LRRC7: variants seen among roughly 807,000 people sequenced by gnomAD.
The protein encoded by LRRC7 is leucine-rich repeat-containing protein 7.
A neutral mutation model predicts 175.7 loss-of-function variants in LRRC7; 23 were observed. The ratio of observed to expected loss-of-function variants is 0.13; its 90% confidence interval spans 0.09 to 0.19. The LOEUF (loss-of-function observed/expected upper bound fraction) is 0.19, where lower values mean the gene tolerates loss of function less well. Among genes scored for constraint, LRRC7 ranks in the 10% least tolerant of loss-of-function variants. The pLI, the probability that LRRC7 is intolerant of heterozygous loss-of-function variation, is 1.00. For synonymous variants in LRRC7, 685 were observed against 680.9 expected (o/e 1.01, Z -0.09); for missense variants, 1,354 against 1,904.7 (o/e 0.71, Z 5.38).
At chr1:69,991,440 C>T (rs1176947543) in intron 10 of LRRC7, among the ~76,000 whole-genome samples, 1 of 152,126 alleles carries the variant, frequency 6.6e-6, no homozygotes, top group African/African-American at 2.4e-5. Context: ...TATCTTTGGA[C>T]CTTATTGACC....
In LRRC7 at chr1:70,128,401, C is replaced by T. The variant is rs1008119950; in HGVS notation, c.*6514C>T. The T allele has an allele frequency of 1.5e-5, 1 of 66,832 alleles. No individual in the cohort carries two copies. The highest frequency in any genetic ancestry group is 3.1e-5 in the Non-Finnish European group (1 of 32,784). 4.1% of individuals were successfully genotyped at this position (66,832 alleles called of 1,614,324 possible). On this transcript the variant is annotated 3_prime_UTR_variant, in exon 27 of 27. Coordinates refer to ENST00000651989, the MANE Select transcript of LRRC7 (RefSeq NM_001370785.2). ...CTGTTGCACAAGTGTATTGTTTGTG[C>T]TTATTTTTTTTCCTTCTTTAAAATA... is the stretch of plus-strand genomic sequence containing the variant.
rs751054513 is a variant in LRRC7 at position 70,053,176 on chromosome 1, A to G, written c.4230+31A>G. ...CAATTTTTAATTAACAAGACAAACC[A>G]TGAACCTTGCACAATCTACTGCAAT... On this transcript the variant is annotated intron_variant, in intron 23 of 26. Coordinates refer to ENST00000651989, the MANE Select transcript of LRRC7 (RefSeq NM_001370785.2). 2.5e-6 allele frequency: 4 copies of G among 1,580,146 alleles called. No homozygotes were observed. The Admixed American group carries it at 5.5e-5, about 22-fold the overall frequency.
chr1:69,706,616 G>A (rs1193829160), intron 2 of LRRC7, among the ~76,000 whole-genome samples: 1 of 152,038 alleles, frequency 6.6e-6, no homozygotes, highest in Non-Finnish European at 1.5e-5. Context: ...AATCTAACTA[G>A]CCTGATTATA....
intron 17 of LRRC7, among the ~76,000 whole-genome samples, chr1:70,024,329 C>T (rs907077379): frequency 5.3e-5 from 8 of 150,884 alleles, no homozygotes; most frequent in African/African-American, 1.9e-4. Context: ...AAAAACAGTT[C>T]TGTGTGAATT....
intron 1 of LRRC7, among the ~76,000 whole-genome samples, chr1:69,663,019 G>A (rs991743571): frequency 6.6e-6 from 1 of 152,210 alleles, no homozygotes; most frequent in Non-Finnish European, 1.5e-5. Flanking sequence ...GATGGTCAGA[G>A]TGTTGCCCTG....
intron 4 of LRRC7, among the ~76,000 whole-genome samples, chr1:69,804,287 G>C (rs961929766): frequency 6.6e-6 from 1 of 151,148 alleles, no homozygotes. Flanking sequence ...TTAGGTATAG[G>C]CTAGAGATCT....
In LRRC7 at chr1:70,036,168, C is replaced by T. The variant is rs1043275346; in HGVS notation, c.2043C>T (p.His681=). 4 of 1,613,430 alleles carry T rather than the reference C, an allele frequency of 2.5e-6. No homozygotes were observed. In the African/African-American group the frequency reaches 5.3e-5, roughly 22 times the overall value. Residue 681 remains histidine (H), a synonymous_variant, in exon 19 of 27, where the codon CAC becomes CAT. Coordinates refer to ENST00000651989, the MANE Select transcript of LRRC7 (RefSeq NM_001370785.2). Reference sequence around the variant, plus strand: ...ATGAAATGAGGATTGGGGAACTTCACCCTTCATTAGCTGAGACCCCTCTGT... The same window carrying T: ...ATGAAATGAGGATTGGGGAACTTCATCCTTCATTAGCTGAGACCCCTCTGT... ...PANEMRIGEL[H]PSLAETPLYP... is the part of the protein sequence containing the mutation.
intron 1 of LRRC7, among the ~76,000 whole-genome samples, chr1:69,624,137 T>G (rs956479731): frequency 4.6e-5 from 7 of 152,096 alleles, no homozygotes. Flanking sequence ...CTGTTTACAG[T>G]CCCTCCAGAA....
At chr1:69,992,269 T>C (rs1462387962) in intron 10 of LRRC7, among the ~76,000 whole-genome samples, 3 of 152,166 alleles carry the variant, frequency 2.0e-5, no homozygotes, top group Non-Finnish European at 4.4e-5. Context: ...ATTAGCAAAT[T>C]ATATTAATGT....
chr1:70,036,535 T>C lies in LRRC7; in HGVS notation c.2199T>C (p.Ala733=). The part of the protein sequence containing the change: ...GTYSDYSPSQ[A]SSGSSNTRVK... ...ACTCAGACTACTCGCCTTCCCAGGC[T>C]TCCTCAGGATCCTCTAATACCCGGG... The change falls in exon 20 of 27, where the codon GCT becomes GCC. Residue 733 remains alanine (A), a synonymous_variant. Coordinates refer to ENST00000651989, the MANE Select transcript of LRRC7 (RefSeq NM_001370785.2). 6.2e-7 allele frequency: 1 copy of C among 1,614,104 alleles called. No individual in the cohort carries two copies. Among genetic ancestry groups the C allele is most frequent in the Non-Finnish European group, 8.5e-7 (1 of 1,179,960 alleles).
At chr1:69,722,083 C>T (rs1666421509) in intron 2 of LRRC7, among the ~76,000 whole-genome samples, 1 of 151,900 alleles carries the variant, frequency 6.6e-6, no homozygotes. Flanking sequence ...CTGGCATTAT[C>T]AGCTTCTTAT....
chr1:69,683,229 G>A (rs546868257), intron 2 of LRRC7, among the ~76,000 whole-genome samples: 14 of 152,006 alleles, frequency 9.2e-5, no homozygotes, highest in Admixed American at 5.9e-4. Context: ...TCTCTCCTAC[G>A]TTCACTCTAA....
intron 7 of LRRC7, among the ~76,000 whole-genome samples, chr1:69,894,342 C>T (rs549308594): frequency 1.4e-4 from 21 of 152,254 alleles, no homozygotes; most frequent in East Asian, 5.8e-4. Flanking sequence ...GTGTGACTCT[C>T]GCCTTGTTCT....
intron 3 of LRRC7, among the ~76,000 whole-genome samples, chr1:69,785,491 G>A (rs67155930): frequency 0.21 from 32,159 of 151,866 alleles, 3,758 homozygotes; most frequent in Middle Eastern, 0.33. Context: ...TTTTACTGAA[G>A]GCAATCATTG....
At chr1:69,875,918 A>G (rs1165562032) in intron 7 of LRRC7, among the ~76,000 whole-genome samples, 1 of 152,150 alleles carries the variant, frequency 6.6e-6, no homozygotes, top group Admixed American at 6.6e-5. Flanking sequence ...AGAAGAAGGC[A>G]GTACAGTATG....
At chr1:70,064,730 C>G (rs1661841303) in intron 23 of LRRC7, among the ~76,000 whole-genome samples, 2 of 151,716 alleles carry the variant, frequency 1.3e-5, no homozygotes, top group South Asian at 4.2e-4. Flanking sequence ...ATTTTTTAGT[C>G]CTCTTCAATT....
At chr1:69,598,885 C>G (rs1182491410) in intron 1 of LRRC7, among the ~76,000 whole-genome samples, 1 of 152,116 alleles carries the variant, frequency 6.6e-6, no homozygotes, top group Non-Finnish European at 1.5e-5. Context: ...CACTTTGTTC[C>G]CATTTGAAGC....
chr1:69,713,793 G>A (rs968093541), intron 2 of LRRC7, among the ~76,000 whole-genome samples: 7 of 151,426 alleles, frequency 4.6e-5, no homozygotes, highest in African/African-American at 1.7e-4. Context: ...GGGGAATAGA[G>A]ATAATTGTTT....
chr1:70,119,925 G>T (rs1666105351), intron 26 of LRRC7, among the ~76,000 whole-genome samples: 1 of 152,030 alleles, frequency 6.6e-6, no homozygotes, highest in Non-Finnish European at 1.5e-5. Context: ...TCACAATTAA[G>T]TTACAACTTT....
Sources: gnomAD v4.1 joint callset for allele counts (sites outside exome capture counted in the v4.1 genomes callset) on GRCh38, gnomAD v4.1.1 for gene constraint, MANE v1.5 for transcripts, NCBI Gene and HGNC (gene_info 2026-07-23, HGNC 2026-07-21) for gene names.